The following PTP4A1 variants were observed in gnomAD, a reference collection of about 807,000 sequenced individuals.
PTP4A1 encodes protein tyrosine phosphatase type IVA 1.
A neutral mutation model predicts 20.5 loss-of-function variants in PTP4A1; 9 were observed. The observed-to-expected ratio is 0.44, with a 90% CI of 0.26 to 0.77. The LOEUF (loss-of-function observed/expected upper bound fraction) is 0.77, where lower values mean the gene tolerates loss of function less well. PTP4A1 is among the 30% of genes least tolerant of loss of function. PTP4A1 has a pLI of 0.19. For synonymous variants in PTP4A1, 78 were observed against 67.4 expected (o/e 1.16, Z -0.77); for missense variants, 137 against 218.8 (o/e 0.63, Z 2.36).
intron 1 of PTP4A1, among the ~76,000 whole-genome samples, chr6:63,525,659 C>T (rs1337932496): frequency 6.6e-6 from 1 of 152,204 alleles, no homozygotes; most frequent in Non-Finnish European, 1.5e-5. Flanking sequence ...CAGCTTCCAC[C>T]TTCTCCAAGC....
intron 3 of PTP4A1, among the ~76,000 whole-genome samples, chr6:63,566,347 T>C (rs1371644347): frequency 6.6e-6 from 1 of 151,636 alleles, no homozygotes; most frequent in Non-Finnish European, 1.5e-5. Flanking sequence ...AGCCAGGGGG[T>C]GAGGGGATGG....
chr6:63,572,729 C>T lies in PTP4A1; in HGVS notation c.-446+10C>T, dbSNP rs1360710146. On this transcript the variant is annotated intron_variant, in intron 1 of 5. Transcript: ENST00000626021. ...GAGTAAACATATTCCTGTGAGTAGC[C>T]GTCGCATCGTCGCCTCTCGGGCTGG... 2 of 398,336 alleles carry T rather than the reference C, an allele frequency of 5.0e-6. No individual in the cohort carries two copies. The highest frequency in any genetic ancestry group is 8.9e-6 in the Non-Finnish European group (2 of 225,666). 24.7% of individuals were successfully genotyped at this position (398,336 alleles called of 1,614,324 possible).
At chr6:63,574,579 A>C (rs1013322915) in intron 1 of PTP4A1, among the ~76,000 whole-genome samples, 2 of 152,222 alleles carry the variant, frequency 1.3e-5, no homozygotes, top group African/African-American at 2.4e-5. Context: ...GAAAGTGCTT[A>C]CTTACATGAA....
Position 63,580,445 on chromosome 6 carries a change from G to A in PTP4A1, c.*271G>A, listed in dbSNP as rs1255407593. On this transcript the variant is annotated 3_prime_UTR_variant, in exon 6 of 6. Coordinates refer to ENST00000626021, the MANE Select transcript of PTP4A1 (RefSeq NM_003463.5). The stretch of plus-strand genomic sequence containing the variant: ...AATTGACCTTTCCCCAAATCATGCA[G>A]TATTGAGTTATGACTTGTTAAATCT... The A allele has an allele frequency of 3.0e-6, 1 of 337,714 alleles. No homozygotes were observed. The highest frequency in any genetic ancestry group is 5.6e-6 in the Non-Finnish European group (1 of 180,054). 20.9% of individuals were successfully genotyped at this position (337,714 alleles called of 1,614,324 possible).
intron 5 of PTP4A1, 42 bp from the exon 6 acceptor site, chr6:63,580,012 AGGG>A: frequency 7.2e-7 from 1 of 1,397,082 alleles, no homozygotes; most frequent in Non-Finnish European, 1.0e-6. Context: ...ATATTACTGT[AGGG>A]GGCTTTTGCC....
chr6:63,572,443 C>G (rs1777498562), upstream of PTP4A1: 1 of 375,954 alleles, frequency 2.7e-6, no homozygotes, highest in Non-Finnish European at 4.7e-6. Context: ...TTGCACGTCG[C>G]GCCGGCTATA....
At chr6:63,540,617 C>T (rs1400483072) in intron 2 of PTP4A1, among the ~76,000 whole-genome samples, 1 of 149,522 alleles carries the variant, frequency 6.7e-6, no homozygotes, top group African/African-American at 2.5e-5. Context: ...AGATAGAGAC[C>T]CTGTATCACA....
chr6:63,545,813 T>C (rs1221794664), intron 2 of PTP4A1, among the ~76,000 whole-genome samples: 6 of 152,098 alleles, frequency 3.9e-5, no homozygotes, highest in Non-Finnish European at 8.8e-5. Flanking sequence ...CCATGTTCCA[T>C]ATTTGTGTCT....
chr6:63,562,820 C>T (rs1350977461), intron 3 of PTP4A1, among the ~76,000 whole-genome samples: 1 of 152,090 alleles, frequency 6.6e-6, no homozygotes, highest in Non-Finnish European at 1.5e-5. Flanking sequence ...ACTTTGAGTG[C>T]CTTTATTTAT....
intron 2 of PTP4A1, 82 bp downstream of exon 2, chr6:63,577,067 T>C: frequency 9.1e-7 from 1 of 1,093,580 alleles, no homozygotes; most frequent in Non-Finnish European, 1.3e-6. Context: ...AAAACTACTT[T>C]GGAAAAAATG....
intron 3 of PTP4A1, 45 bp downstream of exon 3, chr6:63,578,574 A>G (rs369343225): frequency 5.1e-6 from 8 of 1,575,356 alleles, no homozygotes; most frequent in Non-Finnish European, 2.6e-6. Flanking sequence ...CTGTGCTACA[A>G]AAGTTTATTC....
chr6:63,547,760 C>T (rs529874324), intron 2 of PTP4A1, among the ~76,000 whole-genome samples: 5 of 151,814 alleles, frequency 3.3e-5, no homozygotes, highest in East Asian at 1.9e-4. Flanking sequence ...ATCCACCCCC[C>T]TCGGCCTCCC....
rs1778122789 is a variant in PTP4A1 at position 63,580,013 on chromosome 6, GGGGGCT to G, written c.405-43_405-38del. The G allele has an allele frequency of 2.1e-6, 3 of 1,413,506 alleles. No homozygotes were observed. The East Asian group carries it at 6.8e-5, about 32-fold the overall frequency. 87.6% of individuals were successfully genotyped at this position (1,413,506 alleles called of 1,614,324 possible). On this transcript the variant is annotated intron_variant, in intron 5 of 5. Transcript: ENST00000626021. ...CTATAAGACACTAAATATTACTGTA[GGGGGCT>G]TTTGCCTTGTTTCATTTTTTTTTTT...
intron 3 of PTP4A1, among the ~76,000 whole-genome samples, chr6:63,559,437 A>G (rs1233200838): frequency 2.0e-5 from 3 of 152,160 alleles, no homozygotes; most frequent in South Asian, 4.1e-4. Context: ...AGCAAAAAAA[A>G]TCATTTGGTT....
chr6:63,546,162 A>G (rs576090785), intron 2 of PTP4A1, among the ~76,000 whole-genome samples: 1 of 152,338 alleles, frequency 6.6e-6, no homozygotes, highest in South Asian at 2.1e-4. Flanking sequence ...TATACATAAC[A>G]TGTATATACA....
chr6:63,567,467 T>A (rs963803533), intron 3 of PTP4A1, among the ~76,000 whole-genome samples: 1 of 152,348 alleles, frequency 6.6e-6, no homozygotes, highest in African/African-American at 2.4e-5. Context: ...ATAGTATTTT[T>A]AAATAAATCA....
intron 1 of PTP4A1, among the ~76,000 whole-genome samples, chr6:63,575,443 T>G (rs367635677): frequency 2.0e-5 from 3 of 152,190 alleles, no homozygotes; most frequent in East Asian, 1.9e-4. Context: ...GCTGTGACTA[T>G]TGGTTTAATG....
chr6:63,523,179 AT>A (rs201787839), intron 1 of PTP4A1, among the ~76,000 whole-genome samples: 1 of 150,674 alleles, frequency 6.6e-6, no homozygotes. Context: ...TCACTCTTTT[AT>A]TTTTTTTTAC....
chr6:63,536,627 G>A (rs1309059532), intron 2 of PTP4A1, among the ~76,000 whole-genome samples: 3 of 152,040 alleles, frequency 2.0e-5, no homozygotes, highest in African/African-American at 7.2e-5. Flanking sequence ...TTTTTCTACT[G>A]TAACATTTGT....
Sources: allele counts gnomAD v4.1 joint callset (sites outside exome capture counted in the v4.1 genomes callset), GRCh38; gene constraint gnomAD v4.1.1; transcripts MANE v1.5; gene names NCBI Gene and HGNC (gene_info 2026-07-23, HGNC 2026-07-21).